The following ERC1 variants were observed in gnomAD, a reference collection of about 807,000 sequenced individuals.
ERC1 encodes the protein RAB6 interacting protein 2.
ERC1 carries 56 observed loss-of-function variants against 132.0 expected under a neutral mutation model. The observed-to-expected ratio is 0.42, with a 90% CI of 0.34 to 0.53. The LOEUF (loss-of-function observed/expected upper bound fraction) is 0.53, where lower values mean the gene tolerates loss of function less well. Ranked by LOEUF, ERC1 falls within the 20% of genes least tolerant of loss-of-function variation. ERC1 has a pLI of 0.03. For missense variants in ERC1, 1,202 were observed against 1,349.9 expected (o/e 0.89, Z 1.72); for synonymous variants, 478 against 476.1 (o/e 1.00, Z -0.05).
At chr12:1,303,954 A>G (rs2080623475) in intron 15 of ERC1, among the ~76,000 whole-genome samples, 1 of 125,034 alleles carries the variant, frequency 8.0e-6, no homozygotes, top group Non-Finnish European at 1.7e-5. Flanking sequence ...ACTCCATCTC[A>G]GAAAAAAAAA....
At chr12:1,072,973 G>A (rs944804825) in intron 2 of ERC1, among the ~76,000 whole-genome samples, 2 of 152,072 alleles carry the variant, frequency 1.3e-5, no homozygotes, top group African/African-American at 4.8e-5. Context: ...GATTACAGGC[G>A]TGAGCCACTG....
In ERC1 at chr12:1,189,899, T is replaced by A; in HGVS notation, c.2198T>A (p.Met733Lys). 1.2e-6 allele frequency: 2 copies of A among 1,613,780 alleles called. No homozygotes were observed. The highest frequency in any genetic ancestry group is 1.7e-6 in the Non-Finnish European group (2 of 1,179,868). ...TTGGAAGCCAGAGCCAGTCCAGAGATGAGTGACCGAATACAGCACTTGGAG... is the reference window on the plus strand; with the variant it reads ...TTGGAAGCCAGAGCCAGTCCAGAGAAGAGTGACCGAATACAGCACTTGGAG... ...AALEARASPE[M>K]SDRIQHLERE... The change falls in exon 12 of 19, where the codon ATG (methionine) becomes AAG (lysine). Residue 733 changes from methionine to lysine, a missense_variant. Transcript: ENST00000360905.
At chr12:1,006,140 A>G (rs1042917126) in intron 1 of ERC1, among the ~76,000 whole-genome samples, 10 of 151,274 alleles carry the variant, frequency 6.6e-5, no homozygotes, top group African/African-American at 2.4e-4. Context: ...TATTTTTAGT[A>G]GAGACGGGGT....
At chr12:1,385,177 G>A (rs377413608) in intron 16 of ERC1, among the ~76,000 whole-genome samples, 3 of 152,210 alleles carry the variant, frequency 2.0e-5, no homozygotes, top group African/African-American at 7.2e-5. Flanking sequence ...TATTCCCCTA[G>A]TCTACAGTGT....
At chr12:1,215,243 A>G (rs878893434) in intron 12 of ERC1, among the ~76,000 whole-genome samples, 1 of 152,186 alleles carries the variant, frequency 6.6e-6, no homozygotes, top group Admixed American at 6.5e-5. Context: ...GGCCTAATCC[A>G]TACTGTTGCT....
chr12:1,259,668 G>T (rs916877215), intron 13 of ERC1, among the ~76,000 whole-genome samples: 1 of 151,150 alleles, frequency 6.6e-6, no homozygotes, highest in Admixed American at 6.6e-5. Context: ...GATTACAGGC[G>T]CCCGCCACAA....
At position 1,236,904 on chromosome 12, in the gene ERC1, G is replaced by A; in HGVS notation, c.2487G>A (p.Gln829=). The change falls in exon 13 of 19, where the codon CAG becomes CAA. Residue 829 remains glutamine (Q), a splice_region_variant and synonymous_variant. Coordinates refer to ENST00000360905, the MANE Select transcript of ERC1 (RefSeq NM_178040.4). The part of the protein sequence containing the change: ...DNLNDSSQQL[Q]DSLRKKDDRI... ...TCAACGACAGCTCTCAGCAGCTACAGGTTAGAACACAAGGAGAATCTGAAA... is the reference window on the plus strand; with the variant it reads ...TCAACGACAGCTCTCAGCAGCTACAAGTTAGAACACAAGGAGAATCTGAAA... 1 of 1,613,780 alleles carries A rather than the reference G, an allele frequency of 6.2e-7. No individual in the cohort carries two copies. Among genetic ancestry groups the A allele is most frequent in the Admixed American group, 1.7e-5 (1 of 59,974 alleles).
At chr12:1,446,576 G>T (rs1393110239) in intron 18 of ERC1, among the ~76,000 whole-genome samples, 1 of 152,186 alleles carries the variant, frequency 6.6e-6, no homozygotes, top group African/African-American at 2.4e-5. Flanking sequence ...GTTTACTCGT[G>T]TGTGAAGGTA....
chr12:1,065,274 T>TA (rs1202662807), intron 2 of ERC1, among the ~76,000 whole-genome samples: 1 of 152,218 alleles, frequency 6.6e-6, no homozygotes, highest in Admixed American at 6.5e-5. Context: ...GTGCTGGGAT[T>TA]ACAGGTGTGA....
chr12:1,446,672 C>T (rs1269852390), intron 18 of ERC1, among the ~76,000 whole-genome samples: 1 of 152,138 alleles, frequency 6.6e-6, no homozygotes, highest in Non-Finnish European at 1.5e-5. Context: ...AACTGGTGAG[C>T]CTTAGAGCTG....
At chr12:1,041,766 A>C (rs1349647384) in intron 2 of ERC1, among the ~76,000 whole-genome samples, 1 of 152,230 alleles carries the variant, frequency 6.6e-6, no homozygotes, top group African/African-American at 2.4e-5. Context: ...AAATGCTGTG[A>C]GTAATGGTGA....
At chr12:1,040,061 G>C (rs989318349) in intron 2 of ERC1, among the ~76,000 whole-genome samples, 1 of 152,116 alleles carries the variant, frequency 6.6e-6, no homozygotes, top group African/African-American at 2.4e-5. Context: ...TCTACTATTA[G>C]ATGTCCCTTA....
intron 18 of ERC1, among the ~76,000 whole-genome samples, chr12:1,448,078 A>G (rs2093347422): frequency 6.6e-6 from 1 of 152,230 alleles, no homozygotes; most frequent in African/African-American, 2.4e-5. Context: ...AGAAAATTTC[A>G]AACTGATTTT....
At chr12:1,223,871 T>C (rs1333397665) in intron 12 of ERC1, among the ~76,000 whole-genome samples, 3 of 152,156 alleles carry the variant, frequency 2.0e-5, no homozygotes, top group Non-Finnish European at 4.4e-5. Flanking sequence ...AAAACAGCAG[T>C]TGAGAGAGTT....
At chr12:1,099,835 A>ATTTTTTTT (rs779732035) in intron 3 of ERC1, among the ~76,000 whole-genome samples, 8 of 54,364 alleles carry the variant, frequency 1.5e-4, no homozygotes, top group South Asian at 9.9e-4. Context: ...TGAGACTTTG[A>ATTTTTTTT]TTTTTTTTTT....
chr12:1,083,445 G>A lies in ERC1; in HGVS notation c.951G>A (p.Gln317=), dbSNP rs776893619. 1 of 1,614,216 alleles carries A rather than the reference G, an allele frequency of 6.2e-7. No individual in the cohort carries two copies. The highest frequency in any genetic ancestry group is 1.7e-5 in the Admixed American group (1 of 60,022). ...TTAAGAAGCTTCTGGAAATGTTGCAGAGCAAAGGACTTTCTGCCAAGGCTA... is the reference window on the plus strand; with the variant it reads ...TTAAGAAGCTTCTGGAAATGTTGCAAAGCAAAGGACTTTCTGCCAAGGCTA... ...ESIKKLLEML[Q]SKGLSAKATE... The change falls in exon 3 of 19, where the codon CAG becomes CAA. Residue 317 remains glutamine (Q), a synonymous_variant. Transcript: ENST00000360905.
intron 2 of ERC1, among the ~76,000 whole-genome samples, chr12:1,042,334 GC>G (rs1970355536): frequency 7.7e-6 from 1 of 129,512 alleles, no homozygotes; most frequent in Non-Finnish European, 1.6e-5. Flanking sequence ...ATTGCGCCCG[GC>G]CTGTTTTTTT....
chr12:1,401,416 G>A (rs759583395), intron 16 of ERC1, among the ~76,000 whole-genome samples: 5 of 152,112 alleles, frequency 3.3e-5, no homozygotes, highest in Non-Finnish European at 7.4e-5. Flanking sequence ...TTCTGAAGGA[G>A]GACATGGATG....
intron 18 of ERC1, among the ~76,000 whole-genome samples, chr12:1,457,912 GAAA>G (rs1204350822): frequency 6.6e-6 from 1 of 151,894 alleles, no homozygotes; most frequent in Non-Finnish European, 1.5e-5. Flanking sequence ...AAAAGAAAAA[GAAA>G]AAAAAGTTAG....
Sources: allele counts gnomAD v4.1 joint callset (sites outside exome capture counted in the v4.1 genomes callset), GRCh38; gene constraint gnomAD v4.1.1; transcripts MANE v1.5; gene names NCBI Gene and HGNC (gene_info 2026-07-23, HGNC 2026-07-21).